The following EIF3H variants were observed in gnomAD, a reference collection of about 807,000 sequenced individuals.
The protein encoded by EIF3H is eIF-3-gamma.
EIF3H carries 26 observed loss-of-function variants against 44.2 expected under a neutral mutation model. The ratio of observed to expected loss-of-function variants is 0.59; its 90% CI spans 0.43 to 0.82. The LOEUF (loss-of-function observed/expected upper bound fraction) is 0.82, where lower values mean the gene tolerates loss of function less well. Among genes scored for constraint, EIF3H ranks in the 40% least tolerant of loss-of-function variants. The probability of loss-of-function intolerance (pLI) is 0.00; values close to 1 mark genes in which losing one functional copy is unlikely to be tolerated. For missense variants in EIF3H, 359 were observed against 432.8 expected (o/e 0.83, Z 1.51); for synonymous variants, 166 against 151.9 (o/e 1.09, Z -0.68).
rs1168693265 is a variant in EIF3H at position 116,655,939 on chromosome 8, T to C, written c.624A>G (p.Ser208=). The part of the protein sequence containing the change: ...FEEVPIVIKN[S]HLINVLMWEL... ...CCCACATTAGGACATTGATCAGATG[T>C]GAATTTTTAATTACAATCGGCACTT... The change falls in exon 5 of 8, where the codon TCA becomes TCG. Residue 208 remains serine (S), a synonymous_variant. Transcript: ENST00000521861. 6.2e-7 allele frequency: 1 copy of C among 1,613,668 alleles called. No individual in the cohort carries two copies. Among genetic ancestry groups the C allele is most frequent in the African/African-American group, 1.3e-5 (1 of 74,908 alleles).
chr8:116,747,690 T>C (rs925162885), intron 1 of EIF3H, among the ~76,000 whole-genome samples: 1 of 152,192 alleles, frequency 6.6e-6, no homozygotes, highest in African/African-American at 2.4e-5. Flanking sequence ...AGAGCTTCCA[T>C]TTCAATGGAA....
intron 2 of EIF3H, among the ~76,000 whole-genome samples, chr8:116,720,440 T>C: frequency 6.6e-6 from 1 of 152,208 alleles, no homozygotes; most frequent in East Asian, 1.9e-4. Flanking sequence ...CCCATCCACG[T>C]AGAACTGTGA....
chr8:116,650,266 C>T (rs889848650), intron 5 of EIF3H, among the ~76,000 whole-genome samples: 26 of 152,138 alleles, frequency 1.7e-4, no homozygotes, highest in Admixed American at 1.7e-3. Flanking sequence ...AATGAAAACA[C>T]TCATACACTG....
chr8:116,644,894 A>C lies in EIF3H; in HGVS notation c.*112T>G. ...ACTGTTATAGCCAAAATCGGCAATG[A>C]CACTAAAGAAATCCTCTGTGCTTTT... On this transcript the variant is annotated 3_prime_UTR_variant, in exon 8 of 8. Coordinates refer to ENST00000521861, the MANE Select transcript of EIF3H (RefSeq NM_003756.3). The C allele has an allele frequency of 1.3e-6, 1 of 797,616 alleles. No individual in the cohort carries two copies. The highest frequency in any genetic ancestry group is 2.0e-6 in the Non-Finnish European group (1 of 500,728). The allele number at this position is 797,616 out of a possible 1,614,324, so 49.4% of individuals were successfully genotyped here. A position where few individuals can be genotyped will look rare whatever the true frequency, so the allele number is the denominator to read the frequency against.
chr8:116,707,422 G>A (rs1814489339), intron 2 of EIF3H, among the ~76,000 whole-genome samples: 4 of 152,156 alleles, frequency 2.6e-5, no homozygotes, highest in African/African-American at 9.7e-5. Flanking sequence ...CATCTGCTCT[G>A]TAATACATAC....
At chr8:116,697,048 C>T (rs1264049381) in intron 2 of EIF3H, 1 of 455,886 alleles carries the variant, frequency 2.2e-6, no homozygotes, top group Non-Finnish European at 4.4e-6. Context: ...ACAGCCCTGG[C>T]TCACCTCTCC....
chr8:116,671,380 G>C (rs1305869435), intron 2 of EIF3H, among the ~76,000 whole-genome samples: 1 of 152,088 alleles, frequency 6.6e-6, no homozygotes, highest in Non-Finnish European at 1.5e-5. Context: ...ATGTTTCAAA[G>C]CATCTCAAAC....
intron 4 of EIF3H, among the ~76,000 whole-genome samples, chr8:116,656,718 T>C (rs1813496491): frequency 6.6e-6 from 1 of 152,204 alleles, no homozygotes; most frequent in Non-Finnish European, 1.5e-5. Flanking sequence ...AATATTACAA[T>C]GCCATTAAAT....
At chr8:116,653,172 T>C (rs1194454811) in intron 5 of EIF3H, among the ~76,000 whole-genome samples, 1 of 152,130 alleles carries the variant, frequency 6.6e-6, no homozygotes, top group East Asian at 1.9e-4. Context: ...AAGGCACTAC[T>C]AAAACAGACC....
intron 2 of EIF3H, among the ~76,000 whole-genome samples, chr8:116,713,287 T>G (rs1814605274): frequency 6.6e-6 from 1 of 152,148 alleles, no homozygotes; most frequent in Non-Finnish European, 1.5e-5. Flanking sequence ...TGAACAGGTT[T>G]TACTTGGCTT....
intron 1 of EIF3H, among the ~76,000 whole-genome samples, chr8:116,734,717 G>A (rs141959797): frequency 0.01 from 1,552 of 152,088 alleles, 27 homozygotes; most frequent in African/African-American, 0.035. Context: ...CACCACACCC[G>A]GCTAAGTTTG....
At chr8:116,764,677 T>C (rs184081608) in intron 1 of EIF3H, among the ~76,000 whole-genome samples, 3 of 152,326 alleles carry the variant, frequency 2.0e-5, no homozygotes, top group Admixed American at 1.3e-4. Flanking sequence ...TATTTTTTTC[T>C]CTTTTTGTCT....
chr8:116,737,381 C>T lies in EIF3H; in HGVS notation c.133-11209G>A, dbSNP rs115032655. ...AGTTTTAAAAATTAATAGGGCTGGG[C>T]GCAGTGGCTTGTGCCTGTAATCCCA... On this transcript the variant is annotated intron_variant, in intron 1 of 7. Coordinates refer to ENST00000521861, the MANE Select transcript of EIF3H (RefSeq NM_003756.3). 2,177 of 405,252 alleles carry T rather than the reference C, an allele frequency of 5.4e-3. 39 individuals carry two copies. Among genetic ancestry groups the T allele is most frequent in the African/African-American group, 0.04 (1,905 of 47,580 alleles). 25.1% of individuals were successfully genotyped at this position (405,252 alleles called of 1,614,324 possible). A position where few individuals can be genotyped will look rare whatever the true frequency, so the allele number is the denominator to read the frequency against.
At chr8:116,655,404 A>C (rs1010623801) in intron 5 of EIF3H, among the ~76,000 whole-genome samples, 1 of 152,090 alleles carries the variant, frequency 6.6e-6, no homozygotes, top group Non-Finnish European at 1.5e-5. Context: ...TAATTTTACA[A>C]CTGCAAGAGT....
intron 2 of EIF3H, among the ~76,000 whole-genome samples, chr8:116,693,689 T>C (rs1013486011): frequency 4.8e-5 from 7 of 146,024 alleles, no homozygotes; most frequent in Middle Eastern, 3.6e-3. Context: ...GTACATTTCT[T>C]TTTTTTTTTA....
intron 2 of EIF3H, among the ~76,000 whole-genome samples, chr8:116,702,861 T>C (rs1487205246): frequency 6.6e-6 from 1 of 152,126 alleles, no homozygotes; most frequent in Non-Finnish European, 1.5e-5. Context: ...TGGAGGACAA[T>C]TTTTCCATAG....
rs897080411 is a variant in EIF3H, at chr8:116,655,528, C to A, written c.707+328G>T. Among the ~76,000 whole-genome samples, 5 of 152,026 alleles carry A rather than the reference C, an allele frequency of 3.3e-5. No individual in the cohort carries two copies. In the East Asian group the frequency reaches 5.8e-4, roughly 18 times the overall value. Reference sequence around the variant, plus strand: ...ACCCTAAGCCTCTTAGGATCGTGTACAAGAAATAAAGCTGAGCCATATAAA... The same window carrying A: ...ACCCTAAGCCTCTTAGGATCGTGTAAAAGAAATAAAGCTGAGCCATATAAA... On this transcript the variant is annotated intron_variant, in intron 5 of 7. Transcript: ENST00000521861.
intron 1 of EIF3H, among the ~76,000 whole-genome samples, chr8:116,739,853 C>T (rs1234586603): frequency 6.6e-6 from 1 of 152,108 alleles, no homozygotes; most frequent in South Asian, 2.1e-4. Context: ...ATGCCATTAG[C>T]CAAAATAGAC....
At chr8:116,677,405 C>G in intron 2 of EIF3H, among the ~76,000 whole-genome samples, 1 of 152,088 alleles carries the variant, frequency 6.6e-6, no homozygotes. Flanking sequence ...GTGTTTTAAC[C>G]ATAGAGGGGC....
Sources: allele counts gnomAD v4.1 joint callset (sites outside exome capture counted in the v4.1 genomes callset), GRCh38; gene constraint gnomAD v4.1.1; transcripts MANE v1.5; gene names NCBI Gene and HGNC (gene_info 2026-07-23, HGNC 2026-07-21).